KCNK2: variants seen among roughly 807,000 people sequenced by gnomAD.
KCNK2 encodes potassium two pore domain channel subfamily K member 2.
In KCNK2, 21 loss-of-function variants were observed where a neutral mutation model predicts 40.5. The ratio of observed to expected loss-of-function variants is 0.52; its 90% CI spans 0.37 to 0.75. KCNK2 has a LOEUF of 0.75. Among genes scored for constraint, KCNK2 ranks in the 30% least tolerant of loss-of-function variants. The probability of loss-of-function intolerance (pLI) is 0.00; values close to 1 mark genes in which losing one functional copy is unlikely to be tolerated. For synonymous variants in KCNK2, 191 were observed against 202.2 expected, an observed-to-expected ratio of 0.94 and a Z score of 0.47; for missense variants, 399 against 531.6, an observed-to-expected ratio of 0.75 and a Z score of 2.45.
chr1:215,008,764 A>G (rs963432611), intron 1 of KCNK2, among the ~76,000 whole-genome samples: 3 of 152,158 alleles, frequency 2.0e-5, no homozygotes, highest in Non-Finnish European at 4.4e-5. Flanking sequence ...TTGCAACTCA[A>G]TAGAAATATC....
chr1:215,118,661 T>C (rs930804031), intron 2 of KCNK2, among the ~76,000 whole-genome samples: 1 of 152,174 alleles, frequency 6.6e-6, no homozygotes, highest in African/African-American at 2.4e-5. Flanking sequence ...GTCAGTATAA[T>C]TATAAGTGGA....
At chr1:215,204,797 G>A (rs553845874) in intron 6 of KCNK2, among the ~76,000 whole-genome samples, 31 of 152,176 alleles carry the variant, frequency 2.0e-4, no homozygotes, top group Non-Finnish European at 4.3e-4. Flanking sequence ...CTTATGATTG[G>A]TTGGGACTGA....
chr1:215,117,501 A>C (rs1660997682), intron 2 of KCNK2, among the ~76,000 whole-genome samples: 1 of 151,966 alleles, frequency 6.6e-6, no homozygotes, highest in Non-Finnish European at 1.5e-5. Flanking sequence ...TGCAGTAATA[A>C]ATATCATACT....
chr1:215,173,059 T>C (rs1449570950), intron 5 of KCNK2, among the ~76,000 whole-genome samples: 3 of 152,134 alleles, frequency 2.0e-5, no homozygotes, highest in Non-Finnish European at 4.4e-5. Flanking sequence ...CATGTTGGTG[T>C]GCTGCACCCA....
chr1:215,088,057 T>C (rs1297890179), intron 2 of KCNK2, among the ~76,000 whole-genome samples: 2 of 152,122 alleles, frequency 1.3e-5, no homozygotes, highest in Non-Finnish European at 2.9e-5. Flanking sequence ...CTTTTTAGTA[T>C]TGGCAGTGAA....
intron 1 of KCNK2, among the ~76,000 whole-genome samples, chr1:215,048,753 A>G (rs1657875571): frequency 6.6e-6 from 1 of 152,184 alleles, no homozygotes; most frequent in African/African-American, 2.4e-5. Context: ...TAATGCATAA[A>G]GCTCTGTTCC....
At position 215,015,104 on chromosome 1, in the gene KCNK2, C is replaced by T. The variant is rs369580265; in HGVS notation, c.34+9149C>T. On this transcript the variant is annotated intron_variant, in intron 1 of 6. Coordinates refer to the KCNK2 transcript ENST00000391895. ...TGTCTGGTTTGAACTTGTGAGCTGG[C>T]TGACATTAGGTAAGTCACTAAACAT... Among the ~76,000 whole-genome samples the T allele has an allele frequency of 7.2e-5, 11 of 152,254 alleles. No homozygotes were observed. The South Asian group carries it at 2.3e-3, about 32-fold the overall frequency.
intron 5 of KCNK2, among the ~76,000 whole-genome samples, chr1:215,175,263 A>G (rs368144772): frequency 1.3e-4 from 20 of 152,162 alleles, no homozygotes; most frequent in African/African-American, 4.1e-4. Context: ...TAGGACTTCA[A>G]CATATCTTGG....
At chr1:215,204,091 T>TA (rs1197034602) in intron 6 of KCNK2, among the ~76,000 whole-genome samples, 1 of 142,918 alleles carries the variant, frequency 7.0e-6, no homozygotes, top group African/African-American at 2.5e-5. Flanking sequence ...TAAATGTTCC[T>TA]AAAATCTACC....
At chr1:215,021,974 T>A (rs1378479763) in intron 1 of KCNK2, among the ~76,000 whole-genome samples, 2 of 152,168 alleles carry the variant, frequency 1.3e-5, no homozygotes, top group African/African-American at 4.8e-5. Context: ...CAGCACTGGC[T>A]GCACTGGTTT....
chr1:215,200,354 T>A (rs75443438), intron 6 of KCNK2, among the ~76,000 whole-genome samples: 2 of 152,314 alleles, frequency 1.3e-5, no homozygotes, highest in East Asian at 3.9e-4. Context: ...GCAATGACTG[T>A]TTCAGGAAAA....
rs1341972094 is a variant in KCNK2, at chr1:215,209,726, AAAATATATAATATATAT to A, written c.963+14644_963+14660del. On this transcript the variant is annotated intron_variant, in intron 6 of 6. Transcript: ENST00000444842. The stretch of plus-strand genomic sequence containing the variant: ...AATATATAAAATATATAATATATAT[AAAATATATAATATATAT>A]AAATATATATTATATATAAAATATA... 1.8e-3 allele frequency among the ~76,000 whole-genome samples: 30 copies of A among 16,274 alleles called. 1 individual carries two copies. Among genetic ancestry groups the A allele is most frequent in the African/African-American group, 4.2e-3 (12 of 2,858 alleles). The allele number at this position is 16,274 out of a possible 152,430, so 10.7% of individuals were successfully genotyped here.
Position 215,086,650 on chromosome 1 carries a change from A to T in KCNK2, c.329A>T (p.Asn110Ile), listed in dbSNP as rs1257498640. The T allele has an allele frequency of 6.2e-7, 1 of 1,613,958 alleles. No individual in the cohort carries two copies. Among genetic ancestry groups the T allele is most frequent in the Non-Finnish European group, 8.5e-7 (1 of 1,179,946 alleles). ...TTCATATCCCAACATTCCTGTGTCA[A>T]TTCGACGGAGCTGGATGAACTCATT... ...QTFISQHSCV[N>I]STELDELIQQ... Residue 110 changes from asparagine (N) to isoleucine (I), a missense_variant, in exon 2 of 7, where the codon AAT becomes ATT. Asn to Ile is a moderately radical substitution (Grantham distance 149). Transcript: ENST00000444842.
chr1:215,080,082 A>G (rs1441919897), upstream of KCNK2, among the ~76,000 whole-genome samples: 1 of 152,224 alleles, frequency 6.6e-6, no homozygotes, highest in African/African-American at 2.4e-5. Context: ...GTATGAATTG[A>G]TAGCAAAAAG....
At chr1:215,120,339 ACTTAC>A (rs1375021814) in intron 2 of KCNK2, among the ~76,000 whole-genome samples, 1 of 152,140 alleles carries the variant, frequency 6.6e-6, no homozygotes, top group Non-Finnish European at 1.5e-5. Flanking sequence ...GAGTCTGAAG[ACTTAC>A]CTTATCTTTT....
At chr1:215,041,104 GC>G (rs1301628399) in intron 1 of KCNK2, among the ~76,000 whole-genome samples, 2 of 152,154 alleles carry the variant, frequency 1.3e-5, no homozygotes, top group Non-Finnish European at 2.9e-5. Context: ...TCCAGCATCA[GC>G]ACTCAATGTG....
chr1:215,005,943 A>C, exon 1 of KCNK2: 1 of 1,613,340 alleles, frequency 6.2e-7, no homozygotes, highest in Non-Finnish European at 8.5e-7. Context: ...ACGAGCAAAA[A>C]GGGATTTCTA....
intron 2 of KCNK2, among the ~76,000 whole-genome samples, chr1:215,091,475 C>T (rs1416904397): frequency 6.6e-6 from 1 of 152,048 alleles, no homozygotes; most frequent in Non-Finnish European, 1.5e-5. Context: ...GTGATAGTGG[C>T]CTTTAAAAAC....
intron 2 of KCNK2, among the ~76,000 whole-genome samples, chr1:215,122,979 C>T (rs964348126): frequency 2.6e-5 from 4 of 151,746 alleles, no homozygotes; most frequent in African/African-American, 7.3e-5. Context: ...CTCCTGACCT[C>T]GTGATCCACC....
Sources: gnomAD v4.1 joint callset for allele counts (sites outside exome capture counted in the v4.1 genomes callset) on GRCh38, gnomAD v4.1.1 for gene constraint, MANE v1.5 for transcripts, NCBI Gene and HGNC (gene_info 2026-07-23, HGNC 2026-07-21) for gene names.